The following FNIP2 variants were observed in gnomAD, a reference collection of about 807,000 sequenced individuals.
The protein encoded by FNIP2 is folliculin interacting protein 2.
Under a neutral mutation model 108.7 loss-of-function variants are expected in FNIP2, and 32 were observed. The observed-to-expected ratio is 0.29, with a 90% CI of 0.22 to 0.40. The LOEUF is 0.40. FNIP2 is among the 10% of genes least tolerant of loss of function. The pLI, the probability that FNIP2 is intolerant of heterozygous loss-of-function variation, is 1.00. For missense variants in FNIP2, 1,202 were observed against 1,381.6 expected (o/e 0.87, Z 2.06); for synonymous variants, 480 against 496.7 (o/e 0.97, Z 0.45).
In FNIP2 at chr4:158,905,411, G is replaced by T. The variant is rs1370546036; in HGVS notation, c.*867G>T. The T allele has an allele frequency of 6.6e-6, 1 of 152,112 alleles. No individual in the cohort carries two copies. The highest frequency in any genetic ancestry group is 1.5e-5 in the Non-Finnish European group (1 of 68,024). 9.4% of individuals were successfully genotyped at this position (152,112 alleles called of 1,614,324 possible). On this transcript the variant is annotated 3_prime_UTR_variant, in exon 17 of 17. Transcript: ENST00000264433. Reference sequence around the variant, plus strand: ...TATAAGCTCAAGAGTGTTTCGGTTGGTAAGTTCTTCCAGCTGAAGCCACTT... The same window carrying T: ...TATAAGCTCAAGAGTGTTTCGGTTGTTAAGTTCTTCCAGCTGAAGCCACTT...
At chr4:158,811,009 C>A (rs1159829205) in intron 1 of FNIP2, among the ~76,000 whole-genome samples, 1 of 152,140 alleles carries the variant, frequency 6.6e-6, no homozygotes, top group African/African-American at 2.4e-5. Context: ...AATTGCTGAA[C>A]AGTGATGTAG....
intron 1 of FNIP2, among the ~76,000 whole-genome samples, chr4:158,789,325 G>A (rs11730562): frequency 0.61 from 73,692 of 120,698 alleles, 18,680 homozygotes; most frequent in East Asian, 0.86. Context: ...GTGTGTATGT[G>A]TGTGTGTGTG....
At chr4:158,901,572 C>G (rs1269630319) in intron 16 of FNIP2, among the ~76,000 whole-genome samples, 1 of 152,106 alleles carries the variant, frequency 6.6e-6, no homozygotes, top group Non-Finnish European at 1.5e-5. Flanking sequence ...GGATAATAAC[C>G]TGAAGTGTGT....
intron 14 of FNIP2, among the ~76,000 whole-genome samples, chr4:158,883,449 G>A (rs1781827929): frequency 1.3e-5 from 2 of 152,120 alleles, no homozygotes; most frequent in Admixed American, 1.3e-4. Context: ...CACCGTGTTA[G>A]CCAGGATGGT....
At chr4:158,867,747 A>G (rs1780664000) in intron 12 of FNIP2, among the ~76,000 whole-genome samples, 1 of 152,220 alleles carries the variant, frequency 6.6e-6, no homozygotes, top group South Asian at 2.1e-4. Context: ...TTTCCAAGAT[A>G]TAGTATTAGA....
intron 1 of FNIP2, among the ~76,000 whole-genome samples, chr4:158,814,066 C>G (rs1777431921): frequency 6.6e-6 from 1 of 152,198 alleles, no homozygotes; most frequent in African/African-American, 2.4e-5. Flanking sequence ...CACACTTCCT[C>G]CTTCTCCTCC....
At chr4:158,893,849 A>T in intron 15 of FNIP2, 1 of 602,144 alleles carries the variant, frequency 1.7e-6, no homozygotes, top group Non-Finnish European at 2.9e-6. Flanking sequence ...ATAAATTGTT[A>T]TAGTTAATTC....
At chr4:158,790,087 T>C (rs1249395308) in intron 1 of FNIP2, among the ~76,000 whole-genome samples, 3 of 151,806 alleles carry the variant, frequency 2.0e-5, no homozygotes, top group Admixed American at 2.0e-4. Context: ...TTATATACAA[T>C]TACTTTCCGG....
At chr4:158,887,489 C>A (rs1244768173) in intron 14 of FNIP2, among the ~76,000 whole-genome samples, 1 of 152,138 alleles carries the variant, frequency 6.6e-6, no homozygotes, top group Non-Finnish European at 1.5e-5. Flanking sequence ...GTAATCCCAG[C>A]ACTTTGGGAG....
chr4:158,867,930 T>C (rs542040975), intron 12 of FNIP2, among the ~76,000 whole-genome samples, 172 bp from the exon 13 acceptor site: 1 of 152,348 alleles, frequency 6.6e-6, no homozygotes, highest in South Asian at 2.1e-4. Flanking sequence ...CTGACTCACT[T>C]ACAGTGGCAA....
chr4:158,897,148 C>T (rs1195388086), intron 16 of FNIP2, among the ~76,000 whole-genome samples: 1 of 152,138 alleles, frequency 6.6e-6, no homozygotes, highest in African/African-American at 2.4e-5. Flanking sequence ...CAGCCTCATC[C>T]GTGTCCCTGC....
chr4:158,878,343 A>T (rs1243660767), intron 14 of FNIP2, among the ~76,000 whole-genome samples: 1 of 152,182 alleles, frequency 6.6e-6, no homozygotes, highest in Non-Finnish European at 1.5e-5. Flanking sequence ...CTATTCTTCC[A>T]TGAAAAGGAG....
chr4:158,863,171 G>A (rs1489863724), intron 12 of FNIP2, among the ~76,000 whole-genome samples: 1 of 152,224 alleles, frequency 6.6e-6, no homozygotes, highest in Admixed American at 6.5e-5. Flanking sequence ...GGCCCTGGTC[G>A]GCGAAGGCCT....
At chr4:158,807,377 A>G (rs1578844048) in intron 1 of FNIP2, among the ~76,000 whole-genome samples, 3 of 152,042 alleles carry the variant, frequency 2.0e-5, no homozygotes, top group Admixed American at 6.6e-5. Flanking sequence ...GGGGCATGCA[A>G]CTGTGGTGCC....
At chr4:158,822,039 G>A (rs1051860330) in intron 1 of FNIP2, among the ~76,000 whole-genome samples, 5 of 152,038 alleles carry the variant, frequency 3.3e-5, no homozygotes. Context: ...GGTGAACCGA[G>A]ATGGCGCCAC....
At chr4:158,842,734 T>A (rs1401311937) in intron 7 of FNIP2, among the ~76,000 whole-genome samples, 1 of 152,174 alleles carries the variant, frequency 6.6e-6, no homozygotes, top group Non-Finnish European at 1.5e-5. Flanking sequence ...ACAAATTTTT[T>A]AAAAAGGAAA....
intron 1 of FNIP2, among the ~76,000 whole-genome samples, chr4:158,789,248 CT>C (rs1776322572): frequency 6.6e-6 from 1 of 152,204 alleles, no homozygotes; most frequent in Non-Finnish European, 1.5e-5. Context: ...TCCCAAGCTA[CT>C]TTCACAGCTG....
intron 8 of FNIP2, among the ~76,000 whole-genome samples, chr4:158,858,739 C>T (rs1780124582): frequency 6.6e-6 from 1 of 152,132 alleles, no homozygotes; most frequent in East Asian, 1.9e-4. Context: ...TTTGGATAAA[C>T]AGATATTTCA....
intron 1 of FNIP2, among the ~76,000 whole-genome samples, chr4:158,816,518 C>T (rs1250641023): frequency 6.6e-6 from 1 of 152,180 alleles, no homozygotes; most frequent in Non-Finnish European, 1.5e-5. Context: ...CGCAGTGGCT[C>T]ATGCCTGTAA....
Sources: allele counts gnomAD v4.1 joint callset (sites outside exome capture counted in the v4.1 genomes callset), GRCh38; gene constraint gnomAD v4.1.1; transcripts MANE v1.5; gene names NCBI Gene and HGNC (gene_info 2026-07-23, HGNC 2026-07-21).